MAGI2: variants seen among roughly 807,000 people sequenced by gnomAD.
MAGI2 encodes the protein membrane-associated guanylate kinase, WW and PDZ domain-containing protein 2.
A neutral mutation model predicts 133.3 loss-of-function variants in MAGI2; 35 were observed. The ratio of observed to expected loss-of-function variants is 0.26; its 90% CI spans 0.20 to 0.35. The LOEUF is 0.35. Among genes scored for constraint, MAGI2 ranks in the 10% least tolerant of loss-of-function variants. The pLI, the probability that MAGI2 is intolerant of heterozygous loss-of-function variation, is 1.00. For missense variants in MAGI2, 1,636 were observed against 1,863.4 expected (o/e 0.88, Z 2.25); for synonymous variants, 729 against 710.6 (o/e 1.03, Z -0.41).
intron 15 of MAGI2, 66 bp downstream of exon 15, chr7:78,167,850 A>C: frequency 1.3e-6 from 2 of 1,491,770 alleles, no homozygotes; most frequent in East Asian, 4.6e-5. Context: ...ATGTGGCCTT[A>C]CCATGTCTCA....
chr7:78,717,272 A>G (rs1819808528), intron 2 of MAGI2, among the ~76,000 whole-genome samples: 1 of 109,464 alleles, frequency 9.1e-6, no homozygotes, highest in Admixed American at 9.4e-5. Context: ...ACCACACAAC[A>G]CAGCACACAC....
intron 1 of MAGI2, among the ~76,000 whole-genome samples, chr7:79,399,316 A>T (rs1328745906): frequency 1.3e-5 from 2 of 149,172 alleles, no homozygotes; most frequent in East Asian, 3.9e-4. Flanking sequence ...CTGGTCTCAA[A>T]CTCCTGACCT....
At chr7:78,609,078 T>A (rs1317923831) in intron 3 of MAGI2, among the ~76,000 whole-genome samples, 1 of 152,126 alleles carries the variant, frequency 6.6e-6, no homozygotes, top group East Asian at 1.9e-4. Flanking sequence ...GCTAGGCCAG[T>A]CTTACATTTT....
chr7:79,213,465 C>T (rs1006767562), intron 1 of MAGI2, among the ~76,000 whole-genome samples: 6 of 152,112 alleles, frequency 3.9e-5, no homozygotes, highest in African/African-American at 7.2e-5. Flanking sequence ...TGTGCACCTA[C>T]GTGCCTGGCT....
chr7:78,368,445 T>C (rs1212411224), intron 7 of MAGI2, among the ~76,000 whole-genome samples: 1 of 152,202 alleles, frequency 6.6e-6, no homozygotes, highest in Non-Finnish European at 1.5e-5. Flanking sequence ...CAAATAACTT[T>C]AGGAACATTA....
chr7:78,858,508 C>T (rs892814440), intron 2 of MAGI2, among the ~76,000 whole-genome samples: 17 of 152,208 alleles, frequency 1.1e-4, no homozygotes, highest in African/African-American at 4.1e-4. Context: ...TTTCGTTATG[C>T]ACCCAGTAGT....
rs567770878 is a variant in MAGI2 at position 78,441,210 on chromosome 7, A to C, written c.1045+48551T>G. 2.0e-5 allele frequency among the ~76,000 whole-genome samples: 3 copies of C among 152,252 alleles called. No homozygotes were observed. The East Asian group carries it at 5.8e-4, about 29-fold the overall frequency. ...TTTTCTACTTGTTTGCTTAACATAC[A>C]CTTTGCTCCACCAAATTGGATTACA... On this transcript the variant is annotated intron_variant, in intron 6 of 21. Coordinates refer to ENST00000354212, the MANE Select transcript of MAGI2 (RefSeq NM_012301.4).
chr7:79,442,942 A>G (rs1848587376), intron 1 of MAGI2, among the ~76,000 whole-genome samples: 1 of 137,672 alleles, frequency 7.3e-6, no homozygotes, highest in Non-Finnish European at 1.5e-5. Context: ...ATAGACTGTG[A>G]AAAAAAAAAA....
At chr7:78,385,184 A>C (rs1585079205) in intron 6 of MAGI2, among the ~76,000 whole-genome samples, 2 of 152,268 alleles carry the variant, frequency 1.3e-5, no homozygotes, top group African/African-American at 2.4e-5. Flanking sequence ...ACATTTTAAA[A>C]ACGGATGCAT....
intron 2 of MAGI2, among the ~76,000 whole-genome samples, chr7:78,774,769 G>A (rs1253322466): frequency 6.6e-6 from 1 of 152,152 alleles, no homozygotes; most frequent in East Asian, 1.9e-4. Context: ...TGCTTAAGAA[G>A]ACTTGAGTAG....
chr7:79,175,635 C>T (rs1585122095), intron 1 of MAGI2, among the ~76,000 whole-genome samples: 1 of 152,106 alleles, frequency 6.6e-6, no homozygotes, highest in South Asian at 2.1e-4. Flanking sequence ...AGCGTACTTA[C>T]ATAAACATAG....
At chr7:78,880,555 T>G (rs1323409663) in intron 2 of MAGI2, among the ~76,000 whole-genome samples, 1 of 152,100 alleles carries the variant, frequency 6.6e-6, no homozygotes, top group African/African-American at 2.4e-5. Context: ...TAGACCAGAT[T>G]TACATGAGAT....
intron 21 of MAGI2, among the ~76,000 whole-genome samples, chr7:78,059,215 C>T (rs1427054231): frequency 2.6e-5 from 4 of 152,148 alleles, no homozygotes; most frequent in South Asian, 2.1e-4. Context: ...TTTCCCACCC[C>T]GTTCTGGTTG....
chr7:78,283,891 A>C (rs1333877864), intron 9 of MAGI2, among the ~76,000 whole-genome samples: 1 of 152,124 alleles, frequency 6.6e-6, no homozygotes, highest in African/African-American at 2.4e-5. Flanking sequence ...TATTTAATTT[A>C]TGTTAATAGG....
chr7:78,515,458 A>G (rs2150569501), intron 4 of MAGI2, among the ~76,000 whole-genome samples: 1 of 152,316 alleles, frequency 6.6e-6, no homozygotes, highest in Non-Finnish European at 1.5e-5. Context: ...GTGTAAAATG[A>G]GCATGAAAGG....
intron 10 of MAGI2, among the ~76,000 whole-genome samples, chr7:78,212,017 C>T (rs1584414922): frequency 6.6e-6 from 1 of 152,290 alleles, no homozygotes; most frequent in Middle Eastern, 3.4e-3. Context: ...GATTATGCTA[C>T]CATTATTCTT....
intron 3 of MAGI2, among the ~76,000 whole-genome samples, chr7:78,590,181 C>T (rs1010259308): frequency 1.1e-4 from 17 of 152,160 alleles, no homozygotes; most frequent in Non-Finnish European, 2.1e-4. Flanking sequence ...ATGTGAATTA[C>T]TTGATGTATT....
At chr7:78,791,091 G>C (rs1466225540) in intron 2 of MAGI2, among the ~76,000 whole-genome samples, 1 of 152,150 alleles carries the variant, frequency 6.6e-6, no homozygotes, top group East Asian at 1.9e-4. Flanking sequence ...ATGGTATGTT[G>C]AGAAAAACAA....
At chr7:79,309,850 G>A (rs1271192860) in intron 1 of MAGI2, among the ~76,000 whole-genome samples, 1 of 151,494 alleles carries the variant, frequency 6.6e-6, no homozygotes, top group East Asian at 1.9e-4. Context: ...TCTCCATCAG[G>A]TCAGGCGCAG....
Sources: gnomAD v4.1 joint callset for allele counts (sites outside exome capture counted in the v4.1 genomes callset) on GRCh38, gnomAD v4.1.1 for gene constraint, MANE v1.5 for transcripts, NCBI Gene and HGNC (gene_info 2026-07-23, HGNC 2026-07-21) for gene names.